Variants in NAV3 observed in about 807,000 individuals in gnomAD.
NAV3 encodes neuron navigator 3, also known as pore membrane and/or filament interacting like protein 1.
Under a neutral mutation model 244.7 loss-of-function variants are expected in NAV3, and 87 were observed. The observed-to-expected ratio is 0.36, with a 90% CI of 0.30 to 0.42. NAV3 has a LOEUF of 0.42. Among genes scored for constraint, NAV3 ranks in the 20% least tolerant of loss-of-function variants. The probability of loss-of-function intolerance (pLI) is 1.00; values close to 1 mark genes in which losing one functional copy is unlikely to be tolerated. For missense variants in NAV3, 2,663 were observed against 2,893.3 expected (o/e 0.92, Z 1.83); for synonymous variants, 1,126 against 1,042.2 (o/e 1.08, Z -1.55).
At chr12:77,689,417 C>A (rs914046453) in intron 2 of NAV3, among the ~76,000 whole-genome samples, 1 of 151,840 alleles carries the variant, frequency 6.6e-6, no homozygotes, top group Non-Finnish European at 1.5e-5. Context: ...TCTTTTGATG[C>A]CATATACTAC....
At chr12:77,911,073 T>C (rs1886536792) in intron 1 of NAV3, among the ~76,000 whole-genome samples, 1 of 152,086 alleles carries the variant, frequency 6.6e-6, no homozygotes. Flanking sequence ...CTGTGTTTAC[T>C]ATAGAGATCG....
chr12:77,951,511 C>CG (rs1228501185), intron 3 of NAV3, among the ~76,000 whole-genome samples: 7 of 152,100 alleles, frequency 4.6e-5, no homozygotes, highest in Non-Finnish European at 8.8e-5. Context: ...GACGGTGCGG[C>CG]GGTTGCTCAA....
At chr12:77,718,439 G>C (rs917112101) in intron 2 of NAV3, among the ~76,000 whole-genome samples, 1 of 151,980 alleles carries the variant, frequency 6.6e-6, no homozygotes, top group Non-Finnish European at 1.5e-5. Flanking sequence ...TTTATATACT[G>C]GTCCTTATGT....
intron 2 of NAV3, among the ~76,000 whole-genome samples, chr12:77,627,014 A>T (rs1348499530): frequency 6.6e-6 from 1 of 152,192 alleles, no homozygotes; most frequent in East Asian, 1.9e-4. Context: ...TAACAAAATG[A>T]CAGAAGTAGC....
intron 2 of NAV3, among the ~76,000 whole-genome samples, chr12:77,798,456 T>A (rs2135963338): frequency 6.6e-6 from 1 of 152,202 alleles, no homozygotes; most frequent in East Asian, 1.9e-4. Flanking sequence ...GTTGTAAAAC[T>A]TTATAGCAAT....
chr12:78,096,962 C>T (rs1482514089), intron 12 of NAV3, among the ~76,000 whole-genome samples: 1 of 152,124 alleles, frequency 6.6e-6, no homozygotes, highest in Non-Finnish European at 1.5e-5. Flanking sequence ...AGTTTGCCCA[C>T]CTGAGGTGAG....
At chr12:78,047,220 G>T (rs372932902) in intron 9 of NAV3, among the ~76,000 whole-genome samples, 74 of 152,270 alleles carry the variant, frequency 4.9e-4, no homozygotes, top group African/African-American at 1.7e-3. Context: ...AGGTGCGGTG[G>T]CTCACGCTTG....
intron 1 of NAV3, among the ~76,000 whole-genome samples, chr12:77,851,392 G>A (rs927816944): frequency 6.6e-6 from 1 of 152,080 alleles, no homozygotes; most frequent in African/African-American, 2.4e-5. Flanking sequence ...CCTATGCATT[G>A]TGGTTAATAG....
chr12:78,005,373 C>A (rs1405677866), intron 7 of NAV3, among the ~76,000 whole-genome samples: 1 of 152,196 alleles, frequency 6.6e-6, no homozygotes, highest in Non-Finnish European at 1.5e-5. Flanking sequence ...ATTTGGGGGA[C>A]TGTGTTAAGA....
intron 2 of NAV3, among the ~76,000 whole-genome samples, chr12:77,637,085 C>T (rs923094925): frequency 6.6e-6 from 1 of 151,944 alleles, no homozygotes; most frequent in Non-Finnish European, 1.5e-5. Flanking sequence ...CACATGTATA[C>T]CTGTGTAACA....
chr12:77,841,443 T>G (rs1271194224), intron 1 of NAV3, among the ~76,000 whole-genome samples: 3 of 152,154 alleles, frequency 2.0e-5, no homozygotes, highest in Admixed American at 6.6e-5. Context: ...ATTGCACTAG[T>G]TAAGGTAATG....
chr12:77,887,415 A>G (rs1883421612), intron 1 of NAV3, among the ~76,000 whole-genome samples: 1 of 152,168 alleles, frequency 6.6e-6, no homozygotes, highest in African/African-American at 2.4e-5. Flanking sequence ...TGGTAACTTC[A>G]AAACCAGTAT....
chr12:78,059,265 G>A lies in NAV3; in HGVS notation c.2636+150G>A, dbSNP rs185419576. The stretch of plus-strand genomic sequence containing the variant: ...TTATTTTGATAAATAATTATTTAGG[G>A]TTTTTTTGTTTGTTTGTTTGTTTTC... On this transcript the variant is annotated intron_variant, in intron 12 of 39. Coordinates refer to ENST00000397909, the MANE Select transcript of NAV3 (RefSeq NM_001024383.2). 7.7e-6 allele frequency: 6 copies of A among 782,612 alleles called. No individual in the cohort carries two copies. In the East Asian group the frequency reaches 2.2e-4, roughly 28 times the overall value. The allele number at this position is 782,612 out of a possible 1,614,324, so 48.5% of individuals were successfully genotyped here.
At chr12:77,659,090 A>G (rs1221859743) in intron 2 of NAV3, among the ~76,000 whole-genome samples, 1 of 151,908 alleles carries the variant, frequency 6.6e-6, no homozygotes, top group Admixed American at 6.6e-5. Flanking sequence ...AATGGCAACA[A>G]AAGCCAAAAT....
chr12:77,776,807 C>A (rs1472196598), intron 2 of NAV3, among the ~76,000 whole-genome samples: 2 of 152,068 alleles, frequency 1.3e-5, no homozygotes. Context: ...ATGGAGAAAC[C>A]CCGTCTCTAC....
chr12:77,843,358 T>G (rs1160466880), intron 1 of NAV3, among the ~76,000 whole-genome samples: 2 of 152,080 alleles, frequency 1.3e-5, no homozygotes, highest in African/African-American at 4.8e-5. Context: ...AGGTCTGCAC[T>G]GTGGACCCCA....
At chr12:78,115,206 G>C (rs1955313531) in intron 12 of NAV3, among the ~76,000 whole-genome samples, 1 of 152,124 alleles carries the variant, frequency 6.6e-6, no homozygotes, top group South Asian at 2.1e-4. Flanking sequence ...TTAAATCCAT[G>C]TGTCCATTTT....
At chr12:77,662,797 G>GA (rs988934901) in intron 2 of NAV3, among the ~76,000 whole-genome samples, 25 of 151,710 alleles carry the variant, frequency 1.6e-4, no homozygotes, top group Admixed American at 5.9e-4. Flanking sequence ...ACAATGTGCA[G>GA]AAAAAAAAGA....
At chr12:78,048,325 A>C (rs921836107) in intron 9 of NAV3, among the ~76,000 whole-genome samples, 1 of 151,534 alleles carries the variant, frequency 6.6e-6, no homozygotes, top group Non-Finnish European at 1.5e-5. Context: ...GCCTTTTTGC[A>C]CTGTTTTTTT....
Sources: gnomAD v4.1 joint callset for allele counts (sites outside exome capture counted in the v4.1 genomes callset) on GRCh38, gnomAD v4.1.1 for gene constraint, MANE v1.5 for transcripts, NCBI Gene and HGNC (gene_info 2026-07-23, HGNC 2026-07-21) for gene names.